Variants in WDR64 observed in about 807,000 individuals in gnomAD.
The protein encoded by WDR64 is WD repeat domain 64, also known as WD repeat-containing protein 64.
WDR64 carries 112 observed loss-of-function variants against 139.3 expected under a neutral mutation model. The observed-to-expected ratio is 0.80, with a 90% CI of 0.69 to 0.94. The LOEUF is 0.94. Among genes scored for constraint, WDR64 ranks in the 40% least tolerant of loss-of-function variants. The pLI, the probability that WDR64 is intolerant of heterozygous loss-of-function variation, is 0.00. For synonymous variants in WDR64, 444 were observed against 437.7 expected (o/e 1.01, Z -0.18); for missense variants, 1,206 against 1,293.1 (o/e 0.93, Z 1.03).
At chr1:241,769,130 A>G (rs923464987) in intron 16 of WDR64, among the ~76,000 whole-genome samples, 2 of 152,076 alleles carry the variant, frequency 1.3e-5, no homozygotes, top group Non-Finnish European at 1.5e-5. Flanking sequence ...AGTTTTTTCC[A>G]TAGGATTTTG....
intron 3 of WDR64, among the ~76,000 whole-genome samples, chr1:241,672,201 G>A (rs1010052019): frequency 6.6e-6 from 1 of 152,022 alleles, no homozygotes; most frequent in South Asian, 2.1e-4. Context: ...CACCTGGAAG[G>A]CTTTGTGAGC....
chr1:241,698,598 C>T (rs1667585482), intron 8 of WDR64, among the ~76,000 whole-genome samples: 1 of 152,096 alleles, frequency 6.6e-6, no homozygotes, highest in South Asian at 2.1e-4. Context: ...ACTTAGCTTC[C>T]TGTAAATCTG....
intron 21 of WDR64, 66 bp from the exon 22 acceptor site, chr1:241,779,938 T>C (rs748212688): frequency 2.4e-6 from 3 of 1,243,960 alleles, no homozygotes; most frequent in African/African-American, 1.6e-5. Context: ...AAAATAACTT[T>C]TGGATAGTAT....
rs549467867 is a variant in WDR64 at position 241,738,615 on chromosome 1, C to T, written c.1321+126C>T. 38 of 984,710 alleles carry T rather than the reference C, an allele frequency of 3.9e-5. No homozygotes were observed. In the South Asian group the frequency reaches 5.5e-4, roughly 14 times the overall value. The allele number at this position is 984,710 out of a possible 1,614,324, so 61.0% of individuals were successfully genotyped here. A position where few individuals can be genotyped will look rare whatever the true frequency, so the allele number is the denominator to read the frequency against. On this transcript the variant is annotated intron_variant, in intron 11 of 27. Coordinates refer to ENST00000437684, the MANE Select transcript of WDR64 (RefSeq NM_001367482.1). ...AAGGGTAATTTATCAAACCATGATT[C>T]GTGACAGTAGATATTTAATTCAATT...
At chr1:241,716,386 C>G (rs1370323992) in intron 9 of WDR64, among the ~76,000 whole-genome samples, 1 of 151,572 alleles carries the variant, frequency 6.6e-6, no homozygotes, top group Non-Finnish European at 1.5e-5. Context: ...TTTTGCTGAA[C>G]AGTGTTTGCA....
chr1:241,795,152 T>C, intron 25 of WDR64, 55 bp from the exon 26 acceptor site: 1 of 1,511,824 alleles, frequency 6.6e-7, no homozygotes, highest in Non-Finnish European at 9.1e-7. Context: ...CCCAGGTATT[T>C]TACCAGTGAT....
Position 241,681,874 on chromosome 1 carries a change from A to G in WDR64, c.625-1613A>G, listed in dbSNP as rs192739591. Reference sequence around the variant, plus strand: ...TTGATTTGCATTTTCCTGATCATTAATTTGACGCTGATCATTTTTTTCCAT... The same window carrying G: ...TTGATTTGCATTTTCCTGATCATTAGTTTGACGCTGATCATTTTTTTCCAT... On this transcript the variant is annotated intron_variant, in intron 6 of 27. Transcript: ENST00000437684. Among the ~76,000 whole-genome samples, 139 of 152,118 alleles carry G rather than the reference A, an allele frequency of 9.1e-4. 1 individual carries two copies. The highest frequency in any genetic ancestry group is 1.3e-4 in the Non-Finnish European group (9 of 67,932).
chr1:241,666,447 A>G (rs1666030026), intron 2 of WDR64, among the ~76,000 whole-genome samples: 1 of 152,152 alleles, frequency 6.6e-6, no homozygotes, highest in African/African-American at 2.4e-5. Context: ...ATTTTTTGGT[A>G]AGCATTGTAA....
At chr1:241,781,203 T>G (rs1321398969) in intron 22 of WDR64, among the ~76,000 whole-genome samples, 1 of 152,194 alleles carries the variant, frequency 6.6e-6, no homozygotes, top group Non-Finnish European at 1.5e-5. Context: ...AGAGAAAATC[T>G]TCAAAACAAA....
At chr1:241,785,822 G>A (rs1338866630) in intron 23 of WDR64, among the ~76,000 whole-genome samples, 1 of 152,158 alleles carries the variant, frequency 6.6e-6, no homozygotes, top group African/African-American at 2.4e-5. Flanking sequence ...CTGAACTCTG[G>A]GATGCAGGAC....
intron 10 of WDR64, among the ~76,000 whole-genome samples, chr1:241,729,963 G>A (rs1444447727): frequency 6.6e-6 from 1 of 152,056 alleles, no homozygotes. Flanking sequence ...ATTCCCTTTT[G>A]AGTAAACTGT....
At chr1:241,743,715 C>T (rs1669641419) in intron 12 of WDR64, among the ~76,000 whole-genome samples, 1 of 152,192 alleles carries the variant, frequency 6.6e-6, no homozygotes, top group African/African-American at 2.4e-5. Flanking sequence ...AGAAAATCTG[C>T]AGGTCTAAGG....
intron 8 of WDR64, among the ~76,000 whole-genome samples, chr1:241,705,656 T>C (rs914485260): frequency 1.3e-5 from 2 of 151,926 alleles, no homozygotes; most frequent in Admixed American, 6.6e-5. Context: ...GGCATGATTA[T>C]AGCTCATTGC....
chr1:241,699,149 G>A (rs950397843), intron 8 of WDR64, among the ~76,000 whole-genome samples: 1 of 152,148 alleles, frequency 6.6e-6, no homozygotes, highest in Admixed American at 6.6e-5. Flanking sequence ...TACAATTCAA[G>A]ATGAGATTTG....
chr1:241,696,113 C>CAAAA (rs541301982), intron 8 of WDR64, among the ~76,000 whole-genome samples: 617 of 22,308 alleles, frequency 0.028, 182 homozygotes, highest in South Asian at 0.034. Context: ...GACCCAGTAT[C>CAAAA]AAAAAAAAAA....
rs771990172 is a variant in WDR64, at chr1:241,738,367, T to G, written c.1199T>G (p.Phe400Cys). The G allele has an allele frequency of 2.5e-6, 4 of 1,612,454 alleles. No individual in the cohort carries two copies. The highest frequency in any genetic ancestry group is 3.4e-6 in the Non-Finnish European group (4 of 1,179,552). The change falls in exon 11 of 28, where the codon TTC (phenylalanine) becomes TGC (cysteine). Residue 400 changes from phenylalanine to cysteine, a missense_variant. Phe to Cys is a radical substitution (Grantham distance 205). Transcript: ENST00000437684. The stretch of plus-strand genomic sequence containing the variant: ...CTGTGTTTGTTATTCTTCCAGGTTT[T>G]CCGGGTGTGGGATATACAAACTCTT... ...HVVSLSSAKV[F>C]RVWDIQTLSL...
Position 241,703,311 on chromosome 1 carries a change from G to A in WDR64, c.975-8491G>A, listed in dbSNP as rs1268008480. ...CCCTATCGTGTAACACATGCCCCCT[G>A]AAAAAAGTCACCCCTTTACCTTCTA... On this transcript the variant is annotated intron_variant, in intron 8 of 27. Transcript: ENST00000437684. The surrounding 1 kb of genome is among the most constrained non-coding windows in gnomAD (Gnocchi z 5.9). Among the ~76,000 whole-genome samples, 6 of 151,932 alleles carry A rather than the reference G, an allele frequency of 3.9e-5. No individual in the cohort carries two copies. Among genetic ancestry groups the A allele is most frequent in the Non-Finnish European group, 7.4e-5 (5 of 67,978 alleles).
At chr1:241,794,924 A>G (rs188933518) in intron 25 of WDR64, among the ~76,000 whole-genome samples, 2 of 152,164 alleles carry the variant, frequency 1.3e-5, no homozygotes, top group Admixed American at 1.3e-4. Context: ...TGTTTTGTCC[A>G]TTCCTTTTCA....
At chr1:241,764,569 G>A (rs979119877) in intron 15 of WDR64, among the ~76,000 whole-genome samples, 1 of 152,126 alleles carries the variant, frequency 6.6e-6, no homozygotes, top group African/African-American at 2.4e-5. Context: ...GCTGTGGTGG[G>A]AGGAGTGCTT....
Sources: allele counts gnomAD v4.1 joint callset (sites outside exome capture counted in the v4.1 genomes callset), GRCh38; gene constraint gnomAD v4.1.1; non-coding constraint Gnocchi (gnomAD v3.1); transcripts MANE v1.5; gene names NCBI Gene and HGNC (gene_info 2026-07-23, HGNC 2026-07-21).